INSYN2B: variants seen among roughly 807,000 people sequenced by gnomAD.
INSYN2B encodes protein INSYN2B.
INSYN2B carries 16 observed loss-of-function variants against 41.2 expected under a neutral mutation model. The ratio of observed to expected loss-of-function variants is 0.39; its 90% CI spans 0.26 to 0.59. INSYN2B has a LOEUF of 0.59. INSYN2B is among the 20% of genes least tolerant of loss of function. The pLI, the probability that INSYN2B is intolerant of heterozygous loss-of-function variation, is 0.57. For synonymous variants in INSYN2B, 245 were observed against 244.4 expected (o/e 1.00, Z -0.02); for missense variants, 608 against 646.4 (o/e 0.94, Z 0.64).
rs886973563 is a variant in INSYN2B at position 169,867,411 on chromosome 5, G to A, written c.1422-2952C>T. ...AGGAACCATGGGTGAAAACCTCTCT[G>A]TCTGTCTGTCTGTCTGTCTGTCTGT... is the stretch of plus-strand genomic sequence containing the variant. On this transcript the variant is annotated intron_variant, in intron 3 of 3. Transcript: ENST00000377365. 1.2e-4 allele frequency among the ~76,000 whole-genome samples: 3 copies of A among 24,048 alleles called. No homozygotes were observed. The Admixed American group carries it at 1.5e-3, about 12-fold the overall frequency. The allele number at this position is 24,048 out of a possible 152,430, so 15.8% of individuals were successfully genotyped here.
chr5:169,880,071 T>C (rs11134596), intron 3 of INSYN2B, among the ~76,000 whole-genome samples: 58,071 of 152,088 alleles, frequency 0.38, 11,947 homozygotes, highest in Non-Finnish European at 0.46. Flanking sequence ...TTAGAAGATA[T>C]AAAAAAAGAA....
rs190809622 is a variant in INSYN2B at position 169,869,776 on chromosome 5, C to T, written c.1422-5317G>A. Among the ~76,000 whole-genome samples the T allele has an allele frequency of 3.4e-3, 521 of 152,322 alleles. 6 individuals carry two copies. The highest frequency in any genetic ancestry group is 5.1e-3 in the Non-Finnish European group (345 of 68,036). On this transcript the variant is annotated intron_variant, in intron 3 of 3. Coordinates refer to ENST00000377365, the MANE Select transcript of INSYN2B (RefSeq NM_001129891.3). ...GGGAGAGACTCTCTGCTTTGGGTTT[C>T]AGCCCAAGGATCCAAATAGCACACC...
At chr5:169,891,353 T>G (rs1366566544) in intron 1 of INSYN2B, among the ~76,000 whole-genome samples, 1 of 152,230 alleles carries the variant, frequency 6.6e-6, no homozygotes, top group East Asian at 1.9e-4. Flanking sequence ...TTAGTATTTG[T>G]TGAATGAATG....
At chr5:169,959,172 C>G (rs568230113) in intron 1 of INSYN2B, among the ~76,000 whole-genome samples, 1 of 152,168 alleles carries the variant, frequency 6.6e-6, no homozygotes, top group East Asian at 1.9e-4. Flanking sequence ...GGGGGCGGAT[C>G]ATGAGGTCAG....
intron 1 of INSYN2B, among the ~76,000 whole-genome samples, 164 bp downstream of exon 1, chr5:169,980,113 G>T (rs942493890): frequency 6.6e-6 from 1 of 152,050 alleles, no homozygotes; most frequent in Non-Finnish European, 1.5e-5. Flanking sequence ...TTCTGACAAT[G>T]GTGGATTTTC....
At chr5:169,961,978 CAA>C (rs70979150) in intron 1 of INSYN2B, among the ~76,000 whole-genome samples, 28 of 74,630 alleles carry the variant, frequency 3.8e-4, no homozygotes, top group Non-Finnish European at 3.6e-4. Context: ...GACTCTGTCC[CAA>C]AAAAAAAAAA....
At chr5:169,962,403 G>A (rs1445531560) in intron 1 of INSYN2B, among the ~76,000 whole-genome samples, 1 of 152,176 alleles carries the variant, frequency 6.6e-6, no homozygotes, top group Non-Finnish European at 1.5e-5. Flanking sequence ...ACCGGAAAGT[G>A]GGGGAGGATG....
intron 1 of INSYN2B, among the ~76,000 whole-genome samples, chr5:169,958,705 A>G (rs1214813849): frequency 3.3e-5 from 5 of 152,130 alleles, no homozygotes; most frequent in Admixed American, 6.5e-5. Context: ...AGTATGTATT[A>G]AGGCCAGGAA....
chr5:169,961,823 C>A (rs1330398504), intron 1 of INSYN2B, among the ~76,000 whole-genome samples: 1 of 151,384 alleles, frequency 6.6e-6, no homozygotes, highest in Admixed American at 6.6e-5. Flanking sequence ...ACTAAAAATA[C>A]AAAAAATTAG....
intron 1 of INSYN2B, among the ~76,000 whole-genome samples, chr5:169,965,362 G>T (rs1000379674): frequency 1.8e-4 from 27 of 152,338 alleles, no homozygotes; most frequent in Non-Finnish European, 2.5e-4. Flanking sequence ...ACTCTGAGTA[G>T]CAAGATAGAC....
At position 169,926,083 on chromosome 5, in the gene INSYN2B, C is replaced by T. The variant is rs77832713; in HGVS notation, c.-918-41267G>A. Among the ~76,000 whole-genome samples, 11 of 152,288 alleles carry T rather than the reference C, an allele frequency of 7.2e-5. No individual in the cohort carries two copies. In the East Asian group the frequency reaches 1.7e-3, roughly 24 times the overall value. The stretch of plus-strand genomic sequence containing the variant: ...GAGCTGAGCTTAGAAAAGAGAATTT[C>T]TCTCTTAGAGACAAGTGGGATGCTG... On this transcript the variant is annotated intron_variant, in intron 1 of 3. Coordinates refer to ENST00000377365, the MANE Select transcript of INSYN2B (RefSeq NM_001129891.3).
chr5:169,953,347 A>AAAG (rs1776743162), intron 1 of INSYN2B, among the ~76,000 whole-genome samples: 1 of 150,962 alleles, frequency 6.6e-6, no homozygotes, highest in South Asian at 2.1e-4. Context: ...AAAAAAAAAA[A>AAAG]AGAGAGAGAG....
At chr5:169,917,168 C>G (rs1774920493) in intron 1 of INSYN2B, among the ~76,000 whole-genome samples, 1 of 152,194 alleles carries the variant, frequency 6.6e-6, no homozygotes, top group Non-Finnish European at 1.5e-5. Context: ...TTCACAGCAA[C>G]CAATCTGGGT....
Position 169,863,277 on chromosome 5 carries a change from G to A in INSYN2B, c.*996C>T, listed in dbSNP as rs1771318600. ...TGTCTGGTCACCAGGAAGGGAGACT[G>A]TGTCGATTAATATATGTTTGAACCT... On this transcript the variant is annotated 3_prime_UTR_variant, in exon 4 of 4. Transcript: ENST00000377365. 6.6e-6 allele frequency among the ~76,000 whole-genome samples: 1 copy of A among 152,104 alleles called. No homozygotes were observed. Among genetic ancestry groups the A allele is most frequent in the Non-Finnish European group, 1.5e-5 (1 of 68,018 alleles).
chr5:169,973,742 G>A (rs1777610007), intron 1 of INSYN2B, among the ~76,000 whole-genome samples: 1 of 152,196 alleles, frequency 6.6e-6, no homozygotes. Flanking sequence ...CAGGAGGGGT[G>A]TCCTCAGCCA....
intron 1 of INSYN2B, among the ~76,000 whole-genome samples, chr5:169,974,815 G>A (rs1282461286): frequency 6.6e-6 from 1 of 151,952 alleles, no homozygotes; most frequent in Non-Finnish European, 1.5e-5. Flanking sequence ...TGTTCTTTTT[G>A]CAATCATATT....
In INSYN2B at chr5:169,892,002, A is replaced by G. The variant is rs1044554963; in HGVS notation, c.-918-7186T>C. Among the ~76,000 whole-genome samples, 36 of 151,286 alleles carry G rather than the reference A, an allele frequency of 2.4e-4. No individual in the cohort carries two copies. The South Asian group carries it at 4.6e-3, about 19-fold the overall frequency. ...CAGTGCGAGATTCCGTCCCAAAAAA[A>G]AAAAAAAAAAGAAAAAGAAAAAAGA... On this transcript the variant is annotated intron_variant, in intron 1 of 3. Coordinates refer to ENST00000377365, the MANE Select transcript of INSYN2B (RefSeq NM_001129891.3).
chr5:169,864,473 A>C lies in INSYN2B; in HGVS notation c.1422-14T>G. 6.6e-7 allele frequency: 1 copy of C among 1,508,012 alleles called. No homozygotes were observed. The highest frequency in any genetic ancestry group is 2.5e-5 in the East Asian group (1 of 40,636). The allele number at this position is 1,508,012 out of a possible 1,614,324, so 93.4% of individuals were successfully genotyped here. ...TCATACTCTACACTGAAAAACACAG[A>C]GAGGAAGGAAGGAAAGTGAATTCGA... is the stretch of plus-strand genomic sequence containing the variant. On this transcript the variant is annotated splice_polypyrimidine_tract_variant and intron_variant, in intron 3 of 3. Coordinates refer to ENST00000377365, the MANE Select transcript of INSYN2B (RefSeq NM_001129891.3).
chr5:169,894,176 A>G (rs74929966), intron 1 of INSYN2B, among the ~76,000 whole-genome samples: 7 of 152,322 alleles, frequency 4.6e-5, no homozygotes, highest in Non-Finnish European at 1.0e-4. Context: ...TGCCAAGACT[A>G]GGCATTATCA....
Sources: allele counts gnomAD v4.1 joint callset (sites outside exome capture counted in the v4.1 genomes callset), GRCh38; gene constraint gnomAD v4.1.1; transcripts MANE v1.5; gene names NCBI Gene and HGNC (gene_info 2026-07-23, HGNC 2026-07-21).